Variants in ABLIM3 observed in about 807,000 individuals in gnomAD.
The protein encoded by ABLIM3 is actin-binding LIM protein 3.
In ABLIM3, 61 loss-of-function variants were observed where a neutral mutation model predicts 109.5. The observed-to-expected ratio is 0.56, with a 90% CI of 0.45 to 0.69. ABLIM3 has a LOEUF of 0.69. ABLIM3 is among the 30% of genes least tolerant of loss of function. The pLI is 0.00. For missense variants in ABLIM3, 796 were observed against 889.5 expected, an observed-to-expected ratio of 0.89 and a Z score of 1.34; for synonymous variants, 300 against 324.8, an observed-to-expected ratio of 0.92 and a Z score of 0.82.
At position 149,200,303 on chromosome 5, in the gene ABLIM3, A is replaced by G. The variant is rs1216016725; in HGVS notation, c.336-13A>G. 6.2e-7 allele frequency: 1 copy of G among 1,612,762 alleles called. No individual in the cohort carries two copies. The highest frequency in any genetic ancestry group is 2.2e-5 in the East Asian group (1 of 44,878). ...AGAGGGTGTGTTGAATTTCTCCCTC[A>G]TCCCACTTGCAGGAAGCCTTTCCCC... On this transcript the variant is annotated splice_polypyrimidine_tract_variant and intron_variant, in intron 4 of 23. Transcript: ENST00000309868.
intron 23 of ABLIM3, among the ~76,000 whole-genome samples, chr5:149,256,925 C>T (rs753695039): frequency 1.3e-5 from 2 of 152,162 alleles, no homozygotes; most frequent in Admixed American, 1.3e-4. Flanking sequence ...GCCTGGACTT[C>T]GGTCCCAGCT....
At chr5:149,243,265 A>T (rs1458169995) in intron 15 of ABLIM3, 11 of 152,274 alleles carry the variant, frequency 7.2e-5, no homozygotes, top group Admixed American at 7.2e-4. Flanking sequence ...GGCTTTGTCC[A>T]TGATTCCTCC....
In ABLIM3 at chr5:149,214,292, T is replaced by C. The variant is rs549816994; in HGVS notation, c.670-2667T>C. Among the ~76,000 whole-genome samples the C allele has an allele frequency of 3.9e-5, 6 of 152,384 alleles. No homozygotes were observed. The South Asian group carries it at 8.3e-4, about 21-fold the overall frequency. On this transcript the variant is annotated intron_variant, in intron 7 of 23. Coordinates refer to ENST00000309868, the MANE Select transcript of ABLIM3 (RefSeq NM_014945.5). ...AAATCATTTAGAATCCCCAGCCATCTTGGCTTACTTTCTTCCAAGTTAAGT... is the reference window on the plus strand; with the variant it reads ...AAATCATTTAGAATCCCCAGCCATCCTGGCTTACTTTCTTCCAAGTTAAGT...
intron 8 of ABLIM3, among the ~76,000 whole-genome samples, chr5:149,226,613 T>C (rs1234276450): frequency 2.6e-5 from 4 of 152,210 alleles, no homozygotes. Flanking sequence ...GGAGGGTCAC[T>C]GGTGACCTGC....
chr5:149,208,406 CTG>C (rs1418398206), intron 6 of ABLIM3, among the ~76,000 whole-genome samples: 14 of 66,656 alleles, frequency 2.1e-4, no homozygotes, highest in Non-Finnish European at 3.6e-4. Flanking sequence ...TTCTCTCTCT[CTG>C]TCTCTCTTTC....
At chr5:149,148,515 T>C (rs1210921318) in intron 2 of ABLIM3, among the ~76,000 whole-genome samples, 7 of 152,178 alleles carry the variant, frequency 4.6e-5, no homozygotes, top group Admixed American at 3.3e-4. Flanking sequence ...TCTCAACCTA[T>C]TCCAAGGATC....
chr5:149,197,241 C>T (rs1287440687), intron 3 of ABLIM3, among the ~76,000 whole-genome samples: 1 of 152,180 alleles, frequency 6.6e-6, no homozygotes, highest in African/African-American at 2.4e-5. Context: ...CCACCACTTC[C>T]TACAAACACC....
At chr5:149,193,119 G>A (rs756096126) in intron 3 of ABLIM3, among the ~76,000 whole-genome samples, 1 of 152,136 alleles carries the variant, frequency 6.6e-6, no homozygotes, top group African/African-American at 2.4e-5. Context: ...AAGAAAAAAA[G>A]GATGGGATAA....
intron 19 of ABLIM3, 75 bp from the exon 20 acceptor site, chr5:149,250,372 G>A: frequency 6.7e-7 from 1 of 1,488,300 alleles, no homozygotes; most frequent in South Asian, 1.1e-5. Flanking sequence ...GTTGGCCATT[G>A]GTAGCCAGAT....
chr5:149,186,532 T>C (rs562982328), intron 3 of ABLIM3, among the ~76,000 whole-genome samples: 1 of 152,246 alleles, frequency 6.6e-6, no homozygotes, highest in African/African-American at 2.4e-5. Context: ...TTTATAACAA[T>C]ATATAAAATA....
chr5:149,239,978 C>T, intron 13 of ABLIM3, 90 bp downstream of exon 13: 4 of 1,462,908 alleles, frequency 2.7e-6, no homozygotes, highest in South Asian at 1.5e-5. Context: ...CACAAGGCTC[C>T]CCCATGATCT....
chr5:149,218,939 A>G (rs930230866), intron 8 of ABLIM3: 6 of 152,292 alleles, frequency 3.9e-5, no homozygotes, highest in Non-Finnish European at 8.8e-5. Context: ...GGTGAATGTC[A>G]TTGGTGGAAT....
intron 5 of ABLIM3, chr5:149,200,759 G>A: frequency 3.3e-6 from 1 of 303,412 alleles, no homozygotes; most frequent in South Asian, 6.1e-5. Context: ...TTTCACCAGT[G>A]GCTCTGAATT....
chr5:149,227,840 G>GTTTATTTA (rs1459790835), intron 8 of ABLIM3, among the ~76,000 whole-genome samples: 29 of 152,296 alleles, frequency 1.9e-4, no homozygotes, highest in Middle Eastern at 3.4e-3. Context: ...AGAATGCCAT[G>GTTTATTTA]TTTCTTTTGT....
chr5:149,188,424 T>C (rs577236888), intron 3 of ABLIM3, among the ~76,000 whole-genome samples: 1 of 152,280 alleles, frequency 6.6e-6, no homozygotes, highest in South Asian at 2.1e-4. Context: ...ATCAAAGGAA[T>C]ACATAGGAAT....
intron 23 of ABLIM3, among the ~76,000 whole-genome samples, chr5:149,253,860 T>C (rs539281031): frequency 1.1e-4 from 17 of 152,272 alleles, no homozygotes; most frequent in African/African-American, 3.9e-4. Context: ...ATGCGGCTAA[T>C]GAAGATATAC....
intron 3 of ABLIM3, among the ~76,000 whole-genome samples, chr5:149,195,595 G>T (rs1561574491): frequency 6.6e-6 from 1 of 152,116 alleles, no homozygotes; most frequent in Non-Finnish European, 1.5e-5. Context: ...GGCTCTGGGG[G>T]TGGAGTTGGC....
rs1561577010 is a variant in ABLIM3 at position 149,198,089 on chromosome 5, G to T, written c.152-130G>T. 1 of 756,516 alleles carries T rather than the reference G, an allele frequency of 1.3e-6. No individual in the cohort carries two copies. Among genetic ancestry groups the T allele is most frequent in the Non-Finnish European group, 2.2e-6 (1 of 462,356 alleles). The allele number at this position is 756,516 out of a possible 1,614,324, so 46.9% of individuals were successfully genotyped here. ...AATACTGGCCCCAAAGGCCTGTGAA[G>T]TCTGACATGCTACCATTCTGTGGCC... is the stretch of plus-strand genomic sequence containing the variant. On this transcript the variant is annotated intron_variant, in intron 3 of 23. Transcript: ENST00000309868. The surrounding 1 kb of genome is among the most constrained non-coding windows in gnomAD (Gnocchi z 4.2).
chr5:149,230,530 C>A, intron 8 of ABLIM3, 119 bp from the exon 9 acceptor site: 1 of 1,048,904 alleles, frequency 9.5e-7, no homozygotes, highest in Non-Finnish European at 1.5e-6. Context: ...GCCAAGAGGG[C>A]CCTTCTGGCA....
Sources: gnomAD v4.1 joint callset for allele counts (sites outside exome capture counted in the v4.1 genomes callset) on GRCh38, gnomAD v4.1.1 for gene constraint, Gnocchi (gnomAD v3.1) non-coding constraint, MANE v1.5 for transcripts, NCBI Gene and HGNC (gene_info 2026-07-23, HGNC 2026-07-21) for gene names.